Variants in HSD17B12 observed in about 807,000 individuals in gnomAD.
HSD17B12 encodes the protein hydroxysteroid 17-beta dehydrogenase 12, also known as very-long-chain 3-oxoacyl-CoA reductase.
Under a neutral mutation model 39.3 loss-of-function variants are expected in HSD17B12, and 32 were observed. The ratio of observed to expected loss-of-function variants is 0.81; its 90% CI spans 0.61 to 1.09. The LOEUF is 1.09. Among genes scored for constraint, HSD17B12 ranks in the 50% least tolerant of loss-of-function variants. HSD17B12 has a pLI of 0.00. For missense variants in HSD17B12, 342 were observed against 382.9 expected (o/e 0.89, Z 0.89); for synonymous variants, 150 against 146.7 (o/e 1.02, Z -0.16).
intron 3 of HSD17B12, among the ~76,000 whole-genome samples, chr11:43,768,458 G>C (rs1256935013): frequency 6.6e-6 from 1 of 152,176 alleles, no homozygotes; most frequent in Non-Finnish European, 1.5e-5. Context: ...GGTGTGTCCA[G>C]AGTTGGTTCC....
intron 1 of HSD17B12, among the ~76,000 whole-genome samples, chr11:43,689,587 C>T (rs979117385): frequency 6.6e-6 from 1 of 152,142 alleles, no homozygotes; most frequent in Admixed American, 6.5e-5. Flanking sequence ...TGCTCTGTCA[C>T]CCAGGCTGGA....
intron 4 of HSD17B12, among the ~76,000 whole-genome samples, chr11:43,808,086 T>C (rs1189988702): frequency 6.6e-6 from 1 of 152,172 alleles, no homozygotes; most frequent in East Asian, 1.9e-4. Flanking sequence ...AAACCCTGGA[T>C]CAGGAGCAAA....
chr11:43,633,319 G>T, the HSD17B12 span, among the ~76,000 whole-genome samples: 1 of 151,958 alleles, frequency 6.6e-6, no homozygotes, highest in African/African-American at 2.4e-5. Context: ...ATCACCTGAG[G>T]TCAGGAGTTT....
At chr11:43,760,620 T>G (rs1363492543) in intron 3 of HSD17B12, among the ~76,000 whole-genome samples, 1 of 152,194 alleles carries the variant, frequency 6.6e-6, no homozygotes, top group Non-Finnish European at 1.5e-5. Context: ...AGGCCTTACT[T>G]GGAATTAAAT....
intron 3 of HSD17B12, among the ~76,000 whole-genome samples, chr11:43,757,908 C>G (rs1202463130): frequency 1.3e-5 from 2 of 152,016 alleles, no homozygotes; most frequent in African/African-American, 2.4e-5. Flanking sequence ...AAAACTGGAG[C>G]CTTACTGAAA....
intron 7 of HSD17B12, chr11:43,833,959 A>G (rs1951341135): frequency 6.6e-6 from 1 of 152,220 alleles, no homozygotes; most frequent in Non-Finnish European, 1.5e-5. Context: ...AGCTGGAGCC[A>G]GGAGGTGGTT....
intron 1 of HSD17B12, chr11:43,734,139 T>C: frequency 1.3e-6 from 2 of 1,500,080 alleles, no homozygotes; most frequent in Non-Finnish European, 1.8e-6. Context: ...ATCAAGTCAG[T>C]GGTGGCACGC....
At chr11:43,618,926 C>T in the HSD17B12 span, among the ~76,000 whole-genome samples, 1 of 151,424 alleles carries the variant, frequency 6.6e-6, no homozygotes, top group Non-Finnish European at 1.5e-5. Flanking sequence ...TCCACATGAA[C>T]GTCAATAGGG....
At chr11:43,678,420 A>C (rs980847940), upstream of HSD17B12, among the ~76,000 whole-genome samples, 3 of 152,168 alleles carry the variant, frequency 2.0e-5, no homozygotes, top group Non-Finnish European at 2.9e-5. Flanking sequence ...TTTGCTGTGC[A>C]GAAGCTCTTT....
chr11:43,729,867 T>A (rs1027523560), intron 1 of HSD17B12, among the ~76,000 whole-genome samples: 2 of 152,238 alleles, frequency 1.3e-5, no homozygotes, highest in Non-Finnish European at 1.5e-5. Flanking sequence ...AGTTTTCCTC[T>A]TTTCTTGTTA....
chr11:43,653,690 G>A, the HSD17B12 span, among the ~76,000 whole-genome samples: 23 of 152,054 alleles, frequency 1.5e-4, no homozygotes, highest in African/African-American at 5.3e-4. Context: ...TGAGAATGAT[G>A]GTTTCCAGCT....
chr11:43,603,295 T>C, the HSD17B12 span, among the ~76,000 whole-genome samples: 3 of 152,190 alleles, frequency 2.0e-5, no homozygotes, highest in Admixed American at 1.3e-4. Flanking sequence ...GAAGCAAATC[T>C]TAGTTTGGTG....
At chr11:43,627,769 A>T in the HSD17B12 span, among the ~76,000 whole-genome samples, 1 of 151,910 alleles carries the variant, frequency 6.6e-6, no homozygotes, top group African/African-American at 2.4e-5. Context: ...CACTGGCAAA[A>T]TTTTCTTTTT....
At chr11:43,718,588 A>G (rs779635961) in intron 1 of HSD17B12, 13 of 547,472 alleles carry the variant, frequency 2.4e-5, no homozygotes, top group Non-Finnish European at 3.9e-5. Context: ...GCACTGTTCC[A>G]TAGCAATTTT....
At chr11:43,812,257 T>C (rs555058069) in intron 4 of HSD17B12, among the ~76,000 whole-genome samples, 2 of 152,196 alleles carry the variant, frequency 1.3e-5, no homozygotes, top group African/African-American at 4.8e-5. Flanking sequence ...TGTTGGATCA[T>C]GTGATAGTTC....
chr11:43,820,197 C>T (rs1188141826), intron 6 of HSD17B12, among the ~76,000 whole-genome samples: 1 of 152,118 alleles, frequency 6.6e-6, no homozygotes, highest in African/African-American at 2.4e-5. Flanking sequence ...GTGCTGTGCT[C>T]AACAGGCTAG....
the HSD17B12 span, among the ~76,000 whole-genome samples, chr11:43,617,521 A>C: frequency 6.6e-6 from 1 of 152,156 alleles, no homozygotes; most frequent in African/African-American, 2.4e-5. Context: ...TCAGGAAAGA[A>C]GAGATAGCAG....
the HSD17B12 span, among the ~76,000 whole-genome samples, chr11:43,622,633 A>AT: frequency 4.2e-4 from 63 of 150,926 alleles, no homozygotes; most frequent in South Asian, 5.9e-3. Flanking sequence ...TAGAATCTGC[A>AT]TTTTTTTTTA....
the HSD17B12 span, among the ~76,000 whole-genome samples, chr11:43,582,071 C>T: frequency 1.3e-5 from 2 of 152,156 alleles, no homozygotes; most frequent in East Asian, 3.9e-4. Context: ...AGGCACCGCC[C>T]GATCCCCGGA....
Sources: gnomAD v4.1 joint callset for allele counts (sites outside exome capture counted in the v4.1 genomes callset) on GRCh38, gnomAD v4.1.1 for gene constraint, MANE v1.5 for transcripts, NCBI Gene and HGNC (gene_info 2026-07-23, HGNC 2026-07-21) for gene names.